Variants in FGFRL1 observed in about 807,000 individuals in gnomAD.
FGFRL1 encodes fibroblast growth factor receptor-like 1.
In FGFRL1, 24 loss-of-function variants were observed where a neutral mutation model predicts 36.8. The observed-to-expected ratio is 0.65, with a 90% confidence interval of 0.47 to 0.92. FGFRL1 has a LOEUF of 0.92. FGFRL1 is among the 40% of genes least tolerant of loss of function. The pLI is 0.00. For missense variants in FGFRL1, 785 were observed against 753.4 expected, an observed-to-expected ratio of 1.04 and a Z score of -0.49; for synonymous variants, 422 against 344.1, an observed-to-expected ratio of 1.23 and a Z score of -2.50.
In FGFRL1 at chr4:1,024,566, T is replaced by G. The variant is rs771097582; in HGVS notation, c.974T>G (p.Ile325Ser). 2 of 1,612,462 alleles carry G rather than the reference T, an allele frequency of 1.2e-6. No homozygotes were observed. ...PDGSYLNKLLITRARQDDAGM... is the reference protein window; with the variant it reads ...PDGSYLNKLLSTRARQDDAGM... ...GGCTCCTACCTCAATAAGCTGCTCA[T>G]CACCCGTGCCCGCCAGGACGATGCG... Residue 325 changes from isoleucine to serine, a missense_variant, in exon 6 of 7, where the codon ATC (isoleucine) becomes AGC (serine). Coordinates refer to ENST00000510644, the MANE Select transcript of FGFRL1 (RefSeq NM_001004356.3).
At position 1,022,467 on chromosome 4, in the gene FGFRL1, T is replaced by C. The variant is rs1208636597; in HGVS notation, c.344T>C (p.Val115Ala). 1.9e-6 allele frequency: 3 copies of C among 1,600,372 alleles called. No individual in the cohort carries two copies. The African/African-American group carries it at 4.0e-5, about 21-fold the overall frequency. Residue 115 changes from valine (V) to alanine (A), a missense_variant, in exon 3 of 7, where the codon GTC becomes GCC. Val to Ala is a moderately conservative substitution (Grantham distance 64). Transcript: ENST00000510644. ...FGSLSVNYTL[V>A]VLDDISPGKE... ...AGCCTGAGCGTCAACTACACCCTCG[T>C]CGTGCTGGGTTAGTCGCTGCTGCGG... is the stretch of plus-strand genomic sequence containing the variant.
upstream of FGFRL1, among the ~76,000 whole-genome samples, chr4:1,011,530 G>A (rs1453090233): frequency 2.7e-5 from 4 of 146,552 alleles, no homozygotes; most frequent in East Asian, 8.0e-4. Flanking sequence ...AAAGTTTGGC[G>A]GCGGGGCGGG....
Position 1,022,924 on chromosome 4 carries a change from A to G in FGFRL1, c.352+449A>G, listed in dbSNP as rs373777704. On this transcript the variant is annotated intron_variant, in intron 3 of 6. Coordinates refer to ENST00000510644, the MANE Select transcript of FGFRL1 (RefSeq NM_001004356.3). Reference sequence around the variant, plus strand: ...AGGTGTCCAGAGAGACACGCCCTCCATACCTAGGGACCCGGCACCCCGCCT... The same window carrying G: ...AGGTGTCCAGAGAGACACGCCCTCCGTACCTAGGGACCCGGCACCCCGCCT... Among the ~76,000 whole-genome samples the G allele has an allele frequency of 2.1e-3, 320 of 151,988 alleles. 5 individuals carry two copies. The South Asian group carries it at 0.057, about 27-fold the overall frequency.
chr4:1,014,996 G>A (rs543174932), intron 2 of FGFRL1, among the ~76,000 whole-genome samples: 96 of 152,320 alleles, frequency 6.3e-4, no homozygotes, highest in African/African-American at 2.2e-3. Context: ...CAGGCCCCGC[G>A]CTGCGGCCCT....
At chr4:1,014,045 G>C (rs143793031) in intron 2 of FGFRL1, among the ~76,000 whole-genome samples, 2,297 of 152,316 alleles carry the variant, frequency 0.015, 30 homozygotes, top group Middle Eastern at 0.031. Flanking sequence ...TCCTAGCGTG[G>C]ACTAGGGCGC....
Position 1,022,479 on chromosome 4 carries a change from A to C in FGFRL1, c.352+4A>C. 6.3e-7 allele frequency: 1 copy of C among 1,591,514 alleles called. No homozygotes were observed. The highest frequency in any genetic ancestry group is 1.7e-5 in the Admixed American group (1 of 59,090). ...AACTACACCCTCGTCGTGCTGGGTT[A>C]GTCGCTGCTGCGGTCAGAGGTCATG... On this transcript the variant is annotated splice_donor_region_variant and intron_variant, in intron 3 of 6. Coordinates refer to ENST00000510644, the MANE Select transcript of FGFRL1 (RefSeq NM_001004356.3).
chr4:1,022,727 C>T (rs555312260), intron 3 of FGFRL1, among the ~76,000 whole-genome samples: 4 of 152,190 alleles, frequency 2.6e-5, no homozygotes, highest in African/African-American at 4.8e-5. Flanking sequence ...GGGTGGAGGG[C>T]GGGAGCCGAA....
intron 2 of FGFRL1, among the ~76,000 whole-genome samples, chr4:1,020,199 G>A (rs1475945085): frequency 1.3e-5 from 2 of 152,208 alleles, no homozygotes; most frequent in Non-Finnish European, 2.9e-5. Flanking sequence ...AGGCCCCATC[G>A]AGATGGCCTG....
intron 1 of FGFRL1, chr4:1,012,245 G>C: frequency 4.0e-6 from 2 of 498,738 alleles, no homozygotes; most frequent in Non-Finnish European, 3.5e-6. Context: ...AATCCAGACG[G>C]TGTTTGGAGA....
At chr4:1,011,544 C>CG (rs1400811575), upstream of FGFRL1, among the ~76,000 whole-genome samples, 10 of 75,890 alleles carry the variant, frequency 1.3e-4, no homozygotes, top group Admixed American at 2.8e-4. Flanking sequence ...GGGCGGGGCA[C>CG]GGGGGAGGGC....
At chr4:1,018,963 C>T (rs1191704667) in intron 2 of FGFRL1, among the ~76,000 whole-genome samples, 1 of 152,158 alleles carries the variant, frequency 6.6e-6, no homozygotes, top group Non-Finnish European at 1.5e-5. Flanking sequence ...TCCTCTGGCC[C>T]AGCTGCCTCT....
intron 2 of FGFRL1, 44 bp from the exon 3 acceptor site, chr4:1,022,159 C>T (rs1716217977): frequency 1.4e-6 from 2 of 1,461,870 alleles, no homozygotes; most frequent in East Asian, 2.5e-5. Flanking sequence ...CGGCTCCGGA[C>T]CCCAAGCCCC....
chr4:1,012,411 C>G (rs534845527), intron 1 of FGFRL1, 59 bp from the exon 2 acceptor site: 1 of 1,558,010 alleles, frequency 6.4e-7, no homozygotes, highest in Non-Finnish European at 8.6e-7. Context: ...GGCCCGGGAC[C>G]GGGGAGGGCG....
Position 1,022,418 on chromosome 4 carries a change from T to C in FGFRL1, c.295T>C (p.Cys99Arg). 1 of 1,611,566 alleles carries C rather than the reference T, an allele frequency of 6.2e-7. No individual in the cohort carries two copies. Among genetic ancestry groups the C allele is most frequent in the East Asian group, 2.2e-5 (1 of 44,860 alleles). ...VEREDAGVYV[C>R]KATNGFGSLS... ...GCGGGAGGATGCCGGCGTGTACGTGTGCAAGGCCACCAACGGCTTCGGCAG... is the reference window on the plus strand; with the variant it reads ...GCGGGAGGATGCCGGCGTGTACGTGCGCAAGGCCACCAACGGCTTCGGCAG... The change falls in exon 3 of 7, where the codon TGC becomes CGC. Residue 99 changes from cysteine (C) to arginine (R), a missense_variant. Cys to Arg is a radical substitution (Grantham distance 180). Coordinates refer to ENST00000510644, the MANE Select transcript of FGFRL1 (RefSeq NM_001004356.3).
rs140148549 is a variant in FGFRL1 at position 1,024,987 on chromosome 4, C to T, written c.1155C>T (p.Ala385=). ...LPWPVVIGIP[A]GAVFILGTLL... ...GGCCCGTGGTCATCGGCATCCCAGC[C>T]GGCGCTGTCTTCATCCTGGGCACCC... Residue 385 remains alanine (A), a synonymous_variant, in exon 7 of 7, where the codon GCC becomes GCT. Transcript: ENST00000510644. The T allele has an allele frequency of 2.7e-5, 43 of 1,610,188 alleles. No homozygotes were observed. Among genetic ancestry groups the T allele is most frequent in the Admixed American group, 1.2e-4 (7 of 59,984 alleles).
chr4:1,024,897 T>A lies in FGFRL1; in HGVS notation c.1073-8T>A, dbSNP rs748974222. ...CCCTCCCTACCTCCTTTCCTCTCGCTCTTGCAGACCCAAAACCGCCAGGGC... is the reference window on the plus strand; with the variant it reads ...CCCTCCCTACCTCCTTTCCTCTCGCACTTGCAGACCCAAAACCGCCAGGGC... On this transcript the variant is annotated splice_polypyrimidine_tract_variant and splice_region_variant and intron_variant, in intron 6 of 6. Coordinates refer to ENST00000510644, the MANE Select transcript of FGFRL1 (RefSeq NM_001004356.3). The A allele has an allele frequency of 6.3e-7, 1 of 1,582,956 alleles. No individual in the cohort carries two copies. The highest frequency in any genetic ancestry group is 8.6e-7 in the Non-Finnish European group (1 of 1,168,552).
At position 1,023,687 on chromosome 4, in the gene FGFRL1, T is replaced by C. The variant is rs1406535880; in HGVS notation, c.399T>C (p.Ser133=). The stretch of plus-strand genomic sequence containing the variant: ...AGAGCCTGGGGCCCGACAGCTCCTC[T>C]GGGGGTCAAGAGGACCCCGCCAGCC... The part of the protein sequence containing the change: ...GKESLGPDSS[S]GGQEDPASQQ... Residue 133 remains serine (S), a synonymous_variant, in exon 4 of 7, where the codon TCT becomes TCC. Transcript: ENST00000510644. The surrounding 1 kb of genome is among the most constrained non-coding windows in gnomAD (Gnocchi z 6.0). 1.3e-6 allele frequency: 2 copies of C among 1,554,484 alleles called. No homozygotes were observed. The highest frequency in any genetic ancestry group is 1.7e-6 in the Non-Finnish European group (2 of 1,150,380).
At chr4:1,019,653 C>G (rs1372351525) in intron 2 of FGFRL1, among the ~76,000 whole-genome samples, 3 of 152,126 alleles carry the variant, frequency 2.0e-5, no homozygotes, top group Non-Finnish European at 4.4e-5. Flanking sequence ...CTCACAGAAC[C>G]ACACTGAGGG....
In FGFRL1 at chr4:1,021,498, G is replaced by T. The variant is rs1278123793; in HGVS notation, c.80-705G>T. Among the ~76,000 whole-genome samples the T allele has an allele frequency of 2.6e-5, 4 of 152,218 alleles. No individual in the cohort carries two copies. The East Asian group carries it at 7.8e-4, about 30-fold the overall frequency. On this transcript the variant is annotated intron_variant, in intron 2 of 6. Transcript: ENST00000510644. ...CCTCAAGGCTAAGGTGCCTGGCAGGGTACGGCCCTTGGGGGTGGGCAGACA... is the reference window on the plus strand; with the variant it reads ...CCTCAAGGCTAAGGTGCCTGGCAGGTTACGGCCCTTGGGGGTGGGCAGACA...
Sources: allele counts gnomAD v4.1 joint callset (sites outside exome capture counted in the v4.1 genomes callset), GRCh38; gene constraint gnomAD v4.1.1; non-coding constraint Gnocchi (gnomAD v3.1); transcripts MANE v1.5; gene names NCBI Gene and HGNC (gene_info 2026-07-23, HGNC 2026-07-21).